The following WIPF3 variants were observed in gnomAD, a reference collection of about 807,000 sequenced individuals.
The protein encoded by WIPF3 is WAS/WASL interacting protein family member 3, also known as WAS/WASL-interacting protein family member 3.
Under a neutral mutation model 38.9 loss-of-function variants are expected in WIPF3, and 33 were observed. The ratio of observed to expected loss-of-function variants is 0.85; its 90% CI spans 0.64 to 1.14. The LOEUF (loss-of-function observed/expected upper bound fraction) is 1.14, where lower values mean the gene tolerates loss of function less well. Ranked by LOEUF, WIPF3 falls within the 50% of genes most tolerant of loss-of-function variation. WIPF3 has a pLI of 0.00. For missense variants in WIPF3, 711 were observed against 652.5 expected (o/e 1.09, Z -0.98); for synonymous variants, 324 against 269.3 (o/e 1.20, Z -1.99).
intron 1 of WIPF3, among the ~76,000 whole-genome samples, chr7:29,818,050 C>A (rs1013245378): frequency 6.6e-6 from 1 of 152,152 alleles, no homozygotes; most frequent in Non-Finnish European, 1.5e-5. Context: ...ATTGTGAACA[C>A]AATTATTTCT....
chr7:29,858,598 T>C (rs922346587), intron 2 of WIPF3, among the ~76,000 whole-genome samples: 2 of 152,226 alleles, frequency 1.3e-5, no homozygotes, highest in African/African-American at 4.8e-5. Flanking sequence ...CTGCCTATCA[T>C]AGTTGTCATA....
chr7:29,822,706 T>A lies in WIPF3; in HGVS notation c.-57-11962T>A, dbSNP rs182688750. ...CATATCCACAACCCGTGTCAGATCA[T>A]CCTGAGCAATGAACCGTCCTGTCTC... On this transcript the variant is annotated intron_variant, in intron 1 of 8. Coordinates refer to ENST00000242140, the MANE Select transcript of WIPF3 (RefSeq NM_001080529.3). Among the ~76,000 whole-genome samples, 4 of 152,340 alleles carry A rather than the reference T, an allele frequency of 2.6e-5. No homozygotes were observed. The East Asian group carries it at 7.7e-4, about 29-fold the overall frequency.
intron 1 of WIPF3, among the ~76,000 whole-genome samples, chr7:29,824,363 A>G (rs149633131): frequency 4.6e-5 from 7 of 152,260 alleles, no homozygotes; most frequent in African/African-American, 1.7e-4. Context: ...AGTGCTCAGT[A>G]CCATAGTAGA....
chr7:29,850,168 G>T (rs1052744515), intron 2 of WIPF3, among the ~76,000 whole-genome samples: 3 of 152,104 alleles, frequency 2.0e-5, no homozygotes, highest in East Asian at 3.9e-4. Flanking sequence ...ACTTCATTTC[G>T]TGAAGAGGCA....
intron 2 of WIPF3, among the ~76,000 whole-genome samples, chr7:29,865,615 C>T (rs760884866): frequency 2.7e-4 from 41 of 151,960 alleles, no homozygotes; most frequent in South Asian, 2.1e-4. Flanking sequence ...GGAGTGAGGC[C>T]GAGGGATGAC....
At chr7:29,864,180 G>C (rs1387088582) in intron 2 of WIPF3, among the ~76,000 whole-genome samples, 1 of 152,074 alleles carries the variant, frequency 6.6e-6, no homozygotes, top group African/African-American at 2.4e-5. Context: ...TTTTAAATCA[G>C]GTTGTTGAAG....
chr7:29,888,367 C>T, intron 6 of WIPF3, 150 bp downstream of exon 6: 1 of 1,034,818 alleles, frequency 9.7e-7, no homozygotes, highest in Non-Finnish European at 1.4e-6. Context: ...CCAACCAGCC[C>T]ATAGGTTCTG....
chr7:29,875,947 G>A lies in WIPF3; in HGVS notation c.208G>A (p.Ala70Thr), dbSNP rs756147471. 6.2e-7 allele frequency: 1 copy of A among 1,613,892 alleles called. No individual in the cohort carries two copies. ...AGTCACGCAGATCAACGACCGCAGTGCCCCGCAGATCGAGAGTAAGTGAGC... is the reference window on the plus strand; with the variant it reads ...AGTCACGCAGATCAACGACCGCAGTACCCCGCAGATCGAGAGTAAGTGAGC... ...RKVTQINDRS[A>T]PQIESSKGTN... Residue 70 changes from alanine to threonine, a missense_variant, in exon 3 of 9, where the codon GCC (alanine) becomes ACC (threonine). Coordinates refer to ENST00000242140, the MANE Select transcript of WIPF3 (RefSeq NM_001080529.3).
At chr7:29,872,754 C>T (rs1017020735) in intron 2 of WIPF3, among the ~76,000 whole-genome samples, 5 of 146,128 alleles carry the variant, frequency 3.4e-5, no homozygotes, top group African/African-American at 1.0e-4. Context: ...CGAGATCGCG[C>T]CGCCACTGCA....
At chr7:29,815,426 G>T (rs1301675005) in intron 1 of WIPF3, among the ~76,000 whole-genome samples, 1 of 152,182 alleles carries the variant, frequency 6.6e-6, no homozygotes, top group Admixed American at 6.6e-5. Context: ...AGTAGCCAGG[G>T]TTTATGCCTT....
chr7:29,881,649 G>T (rs2128074926), intron 4 of WIPF3, among the ~76,000 whole-genome samples: 1 of 152,300 alleles, frequency 6.6e-6, no homozygotes, highest in Non-Finnish European at 1.5e-5. Flanking sequence ...TTGGCCTAGA[G>T]CTCTAAGGGA....
intron 2 of WIPF3, among the ~76,000 whole-genome samples, chr7:29,860,366 G>A (rs1479935669): frequency 1.3e-5 from 2 of 152,210 alleles, no homozygotes; most frequent in East Asian, 1.9e-4. Context: ...CCATGAGTTC[G>A]TTCTTGCTGT....
chr7:29,847,325 C>T (rs986907413), intron 2 of WIPF3, among the ~76,000 whole-genome samples: 1 of 152,112 alleles, frequency 6.6e-6, no homozygotes, highest in East Asian at 1.9e-4. Context: ...AGTGGGAAGT[C>T]AGGCCGGCAG....
At chr7:29,893,454 C>G (rs559943287) in intron 7 of WIPF3, among the ~76,000 whole-genome samples, 1 of 152,118 alleles carries the variant, frequency 6.6e-6, no homozygotes, top group African/African-American at 2.4e-5. Flanking sequence ...TGATGTCGGC[C>G]GGGGTGCGTG....
chr7:29,820,538 C>A (rs1413008805), intron 1 of WIPF3, among the ~76,000 whole-genome samples: 1 of 151,938 alleles, frequency 6.6e-6, no homozygotes, highest in African/African-American at 2.4e-5. Flanking sequence ...TGTGTCCTAT[C>A]TTTAGTTCTT....
At chr7:29,865,028 C>G (rs1022044437) in intron 2 of WIPF3, among the ~76,000 whole-genome samples, 2 of 152,152 alleles carry the variant, frequency 1.3e-5, no homozygotes, top group African/African-American at 2.4e-5. Flanking sequence ...TTACCAGGTG[C>G]CAAGCCCTGT....
chr7:29,884,576 A>G lies in WIPF3; in HGVS notation c.1082A>G (p.Lys361Arg), dbSNP rs764686996. 1.9e-6 allele frequency: 3 copies of G among 1,605,222 alleles called. No individual in the cohort carries two copies. The highest frequency in any genetic ancestry group is 2.5e-6 in the Non-Finnish European group (3 of 1,177,220). ...GGCTCCCAGCCGTTCCTGCAGAAGA[A>G]GAGGCATGGCCGACCAGGTAAGGAG... The part of the protein sequence containing the change: ...PPGSQPFLQK[K>R]RHGRPGAGGG... The change falls in exon 5 of 9, where the codon AAG becomes AGG. Residue 361 changes from lysine (K) to arginine (R), a missense_variant. Transcript: ENST00000242140.
intron 1 of WIPF3, 131 bp from the exon 2 acceptor site, chr7:29,834,537 G>A (rs1784768370): frequency 4.6e-6 from 4 of 871,118 alleles, no homozygotes; most frequent in South Asian, 2.6e-5. Flanking sequence ...ATAAATGAAT[G>A]AACAAATGAG....
At chr7:29,886,761 C>T (rs1583620215) in intron 5 of WIPF3, among the ~76,000 whole-genome samples, 1 of 140,186 alleles carries the variant, frequency 7.1e-6, no homozygotes, top group Non-Finnish European at 1.7e-5. Context: ...TTTATTAATA[C>T]TGAATTTTTT....
Sources: gnomAD v4.1 joint callset for allele counts (sites outside exome capture counted in the v4.1 genomes callset) on GRCh38, gnomAD v4.1.1 for gene constraint, MANE v1.5 for transcripts, NCBI Gene and HGNC (gene_info 2026-07-23, HGNC 2026-07-21) for gene names.